The following ADAM12 variants were observed in gnomAD, a reference collection of about 807,000 sequenced individuals.
The protein encoded by ADAM12 is ADAM metallopeptidase domain 12.
In ADAM12, 70 loss-of-function variants were observed where a neutral mutation model predicts 106.4. That is an observed-to-expected ratio of 0.66 (90% CI 0.54 to 0.80). ADAM12 has a LOEUF of 0.80. Among genes scored for constraint, ADAM12 ranks in the 30% least tolerant of loss-of-function variants. ADAM12 has a pLI of 0.00. For missense variants in ADAM12, 1,010 were observed against 1,171.9 expected, an observed-to-expected ratio of 0.86 and a Z score of 2.02; for synonymous variants, 420 against 433.5, an observed-to-expected ratio of 0.97 and a Z score of 0.39.
At chr10:126,226,470 C>T (rs963041691) in intron 3 of ADAM12, among the ~76,000 whole-genome samples, 11 of 152,122 alleles carry the variant, frequency 7.2e-5, no homozygotes, top group Admixed American at 3.3e-4. Flanking sequence ...GCAATGGTGG[C>T]GCTGCTCCAG....
At chr10:126,123,273 A>G (rs1345556037) in intron 5 of ADAM12, among the ~76,000 whole-genome samples, 1 of 152,202 alleles carries the variant, frequency 6.6e-6, no homozygotes, top group Non-Finnish European at 1.5e-5. Flanking sequence ...TAGATAAGTG[A>G]ATGTAATTTG....
chr10:126,163,295 A>G (rs149529941), intron 3 of ADAM12, among the ~76,000 whole-genome samples: 6 of 152,352 alleles, frequency 3.9e-5, no homozygotes, highest in Non-Finnish European at 8.8e-5. Context: ...TCATGGGAGC[A>G]GGTGACTCCT....
rs200002982 is a variant in ADAM12, at chr10:126,264,045, A to G, written c.260+14870T>C. 3.3e-5 allele frequency among the ~76,000 whole-genome samples: 5 copies of G among 152,374 alleles called. No individual in the cohort carries two copies. The East Asian group carries it at 5.8e-4, about 18-fold the overall frequency. On this transcript the variant is annotated intron_variant, in intron 3 of 22. Coordinates refer to ENST00000448723, the MANE Select transcript of ADAM12 (RefSeq NM_001288973.2). ...TTTAGTAAGTTTTTAATGTCACTTC[A>G]TATTTTTTCATTTAACCAACCTAAC... is the stretch of plus-strand genomic sequence containing the variant.
chr10:126,104,039 A>G (rs1311298132), intron 8 of ADAM12, among the ~76,000 whole-genome samples: 1 of 152,246 alleles, frequency 6.6e-6, no homozygotes, highest in African/African-American at 2.4e-5. Flanking sequence ...ACTTTTGGGA[A>G]GAAACAGTGA....
intron 16 of ADAM12, among the ~76,000 whole-genome samples, chr10:126,048,083 G>A (rs1480523081): frequency 2.0e-5 from 3 of 152,186 alleles, no homozygotes; most frequent in Admixed American, 2.0e-4. Flanking sequence ...ATAAGTAGGA[G>A]CTAAATGATG....
At chr10:126,323,852 C>A (rs1162365262) in intron 2 of ADAM12, among the ~76,000 whole-genome samples, 1 of 152,236 alleles carries the variant, frequency 6.6e-6, no homozygotes, top group Non-Finnish European at 1.5e-5. Flanking sequence ...ACAGGTTCAG[C>A]ATTTCTTCTC....
At chr10:126,239,090 T>C (rs1958473431) in intron 3 of ADAM12, among the ~76,000 whole-genome samples, 1 of 152,228 alleles carries the variant, frequency 6.6e-6, no homozygotes, top group Non-Finnish European at 1.5e-5. Context: ...GTAAAAATGA[T>C]GTCAACAAGT....
chr10:126,307,197 A>G (rs1960883256), intron 2 of ADAM12, among the ~76,000 whole-genome samples: 2 of 152,232 alleles, frequency 1.3e-5, no homozygotes. Context: ...AATCCAGGTC[A>G]CTACTGAAAT....
intron 10 of ADAM12, among the ~76,000 whole-genome samples, chr10:126,098,042 G>A (rs758999695): frequency 3.3e-5 from 5 of 152,152 alleles, no homozygotes; most frequent in Admixed American, 1.3e-4. Context: ...CCATCCAAAC[G>A]GGAACGTCTG....
chr10:126,374,992 G>A (rs1237928448), intron 1 of ADAM12, among the ~76,000 whole-genome samples: 1 of 152,070 alleles, frequency 6.6e-6, no homozygotes, highest in Non-Finnish European at 1.5e-5. Context: ...TTAGTGCAAA[G>A]GCACAGTCAT....
chr10:126,058,082 G>A lies in ADAM12; in HGVS notation c.1609+6724C>T, dbSNP rs568630743. Among the ~76,000 whole-genome samples, 35 of 152,294 alleles carry A rather than the reference G, an allele frequency of 2.3e-4. 1 individual carries two copies. In the South Asian group the frequency reaches 3.9e-3, roughly 17 times the overall value. ...TGAGCCAGCTGGATCAGGGTCCAGG[G>A]CTCCCGTGTCCTTCAGGGCTCTCCT... is the stretch of plus-strand genomic sequence containing the variant. On this transcript the variant is annotated intron_variant, in intron 14 of 22. Coordinates refer to ENST00000448723, the MANE Select transcript of ADAM12 (RefSeq NM_001288973.2).
intron 11 of ADAM12, among the ~76,000 whole-genome samples, chr10:126,086,139 G>A (rs1174768041): frequency 6.6e-6 from 1 of 152,194 alleles, no homozygotes; most frequent in Non-Finnish European, 1.5e-5. Context: ...ATAAATTGAA[G>A]GAGGTTTGCA....
intron 4 of ADAM12, among the ~76,000 whole-genome samples, chr10:126,140,994 G>A (rs565618281): frequency 1.3e-5 from 2 of 152,324 alleles, no homozygotes; most frequent in East Asian, 3.9e-4. Flanking sequence ...ATCTCCAGGT[G>A]AGCCTGTGCC....
intron 3 of ADAM12, among the ~76,000 whole-genome samples, chr10:126,192,801 A>G (rs867097723): frequency 8.3e-4 from 127 of 152,258 alleles, no homozygotes; most frequent in African/African-American, 2.9e-3. Context: ...GACCCATTTC[A>G]GCATGTGACT....
chr10:126,388,359 C>T lies in ADAM12; in HGVS notation c.-214G>A, dbSNP rs939663836. The T allele has an allele frequency of 2.0e-5, 10 of 504,962 alleles. No homozygotes were observed. Among genetic ancestry groups the T allele is most frequent in the South Asian group, 9.5e-5 (1 of 10,498 alleles). 31.3% of individuals were successfully genotyped at this position (504,962 alleles called of 1,614,324 possible). ...TTCCCCCCGTGTGTGTGCGTGCGTG[C>T]GCGCGCGCGCGCCGTTCTGGCACAA... is the stretch of plus-strand genomic sequence containing the variant. On this transcript the variant is annotated 5_prime_UTR_variant, in exon 1 of 23. Transcript: ENST00000448723. The surrounding 1 kb of genome is among the most constrained non-coding windows in gnomAD (Gnocchi z 4.4).
chr10:126,273,344 C>G (rs534922282), intron 3 of ADAM12: 2 of 152,776 alleles, frequency 1.3e-5, no homozygotes, highest in Non-Finnish European at 2.9e-5. Flanking sequence ...TCCAAGGAAT[C>G]GTTCACGTTC....
Position 126,146,642 on chromosome 10 carries a change from G to A in ADAM12, c.339+8585C>T, listed in dbSNP as rs144034598. On this transcript the variant is annotated intron_variant, in intron 4 of 22. Transcript: ENST00000448723. ...CAAAGCTTTCTTCAGCACACCGGTGGCACAAGCACCATCCTATAACATCTC... is the reference window on the plus strand; with the variant it reads ...CAAAGCTTTCTTCAGCACACCGGTGACACAAGCACCATCCTATAACATCTC... Among the ~76,000 whole-genome samples, 328 of 152,246 alleles carry A rather than the reference G, an allele frequency of 2.2e-3. 1 individual carries two copies. The highest frequency in any genetic ancestry group is 3.8e-3 in the Non-Finnish European group (258 of 68,012).
intron 3 of ADAM12, among the ~76,000 whole-genome samples, chr10:126,156,487 C>T (rs559503607): frequency 3.3e-5 from 5 of 152,208 alleles, no homozygotes; most frequent in South Asian, 4.1e-4. Context: ...AATTCTGTAA[C>T]GGGGATCTTG....
chr10:126,264,897 G>T (rs746182114), intron 3 of ADAM12, among the ~76,000 whole-genome samples: 3 of 152,120 alleles, frequency 2.0e-5, no homozygotes, highest in Non-Finnish European at 4.4e-5. Flanking sequence ...CAGATGTGAG[G>T]ATGCCTTTGT....
Sources: gnomAD v4.1 joint callset for allele counts (sites outside exome capture counted in the v4.1 genomes callset) on GRCh38, gnomAD v4.1.1 for gene constraint, Gnocchi (gnomAD v3.1) non-coding constraint, MANE v1.5 for transcripts, NCBI Gene and HGNC (gene_info 2026-07-23, HGNC 2026-07-21) for gene names.